PPIL3: variants seen among roughly 807,000 people sequenced by gnomAD.
PPIL3 encodes peptidyl-prolyl cis-trans isomerase-like 3.
Under a neutral mutation model 20.9 loss-of-function variants are expected in PPIL3, and 13 were observed. That is an observed-to-expected ratio of 0.62 (90% confidence interval 0.40 to 0.99). The LOEUF is 0.99. Among genes scored for constraint, PPIL3 ranks in the 50% least tolerant of loss-of-function variants. The pLI is 0.00. For synonymous variants in PPIL3, 71 were observed against 64.4 expected, an observed-to-expected ratio of 1.10 and a Z score of -0.49; for missense variants, 170 against 195.2, an observed-to-expected ratio of 0.87 and a Z score of 0.77.
At chr2:200,878,132 TAATATTTAATACATACAC>T (rs985892915) in intron 5 of PPIL3, among the ~76,000 whole-genome samples, 10 of 152,228 alleles carry the variant, frequency 6.6e-5, no homozygotes, top group Admixed American at 4.6e-4. Context: ...AATACACATG[TAATATTTAATACATACAC>T]AATATTTAAT....
chr2:200,871,582 C>A, intron 6 of PPIL3, 61 bp from the exon 7 acceptor site: 1 of 1,426,486 alleles, frequency 7.0e-7, no homozygotes, highest in Non-Finnish European at 9.6e-7. Context: ...ATATCCATAT[C>A]TATGACAATT....
At chr2:200,871,625 G>C (rs2039308841) in intron 6 of PPIL3, 104 bp from the exon 7 acceptor site, 3 of 981,396 alleles carry the variant, frequency 3.1e-6, no homozygotes, top group Admixed American at 2.9e-5. Context: ...AAGTCTTACA[G>C]ATCTCTGAGT....
chr2:200,881,539 C>G, intron 4 of PPIL3, 51 bp from the exon 5 acceptor site: 1 of 1,502,632 alleles, frequency 6.7e-7, no homozygotes, highest in Non-Finnish European at 9.2e-7. Context: ...AAATTGAAAA[C>G]AAGTTCATTT....
chr2:200,882,197 C>G (rs931899348), intron 4 of PPIL3, 145 bp downstream of exon 4: 6 of 628,170 alleles, frequency 9.6e-6, no homozygotes, highest in Non-Finnish European at 1.7e-5. Context: ...ATGTAACAAA[C>G]CTGCATGTTC....
In PPIL3 at chr2:200,873,931, C is replaced by T. The variant is rs900658425; in HGVS notation, c.360-2410G>A. 7.3e-5 allele frequency among the ~76,000 whole-genome samples: 11 copies of T among 151,550 alleles called. No homozygotes were observed. In the East Asian group the frequency reaches 1.4e-3, roughly 19 times the overall value. On this transcript the variant is annotated intron_variant, in intron 6 of 6. Coordinates refer to ENST00000392283, the MANE Select transcript of PPIL3 (RefSeq NM_130906.3). ...AAAATTAACAGATTTGTAGGCCTGG[C>T]GCAGTGGCTCACGCCTGTAATCTCA...
At position 200,887,618 on chromosome 2, in the gene PPIL3, T is replaced by C; in HGVS notation, c.-3A>G. The C allele has an allele frequency of 6.2e-7, 1 of 1,604,764 alleles. No individual in the cohort carries two copies. Among genetic ancestry groups the C allele is most frequent in the Non-Finnish European group, 8.5e-7 (1 of 1,174,678 alleles). Reference sequence around the variant, plus strand: ...AAAAATTGCTCAAAACTTACCATTTTTCCTCTTAGTGGTTTCAGGAAGGAC... The same window carrying C: ...AAAAATTGCTCAAAACTTACCATTTCTCCTCTTAGTGGTTTCAGGAAGGAC... On this transcript the variant is annotated 5_prime_UTR_variant, in exon 2 of 7. Coordinates refer to ENST00000392283, the MANE Select transcript of PPIL3 (RefSeq NM_130906.3).
intron 5 of PPIL3, among the ~76,000 whole-genome samples, chr2:200,880,562 T>G (rs1237312590): frequency 6.6e-6 from 1 of 152,024 alleles, no homozygotes; most frequent in African/African-American, 2.4e-5. Context: ...ATTTGTATTT[T>G]TTTGTGGAGA....
chr2:200,876,229 G>C (rs1192581092), intron 6 of PPIL3, among the ~76,000 whole-genome samples: 1 of 150,798 alleles, frequency 6.6e-6, no homozygotes, highest in South Asian at 2.1e-4. Context: ...AAGATCACTT[G>C]AGACCAGGAG....
chr2:200,874,992 T>C (rs774168643), intron 6 of PPIL3, among the ~76,000 whole-genome samples: 1 of 152,210 alleles, frequency 6.6e-6, no homozygotes, highest in Non-Finnish European at 1.5e-5. Flanking sequence ...AACTATTAAA[T>C]AGAACAAACT....
intron 1 of PPIL3, 87 bp from the exon 2 acceptor site, chr2:200,887,772 C>T (rs907989126): frequency 1.9e-6 from 1 of 521,764 alleles, no homozygotes. Flanking sequence ...TAAATAAAAA[C>T]CTCGCCGGGC....
At chr2:200,887,538 T>TGAA in intron 2 of PPIL3, 75 bp downstream of exon 2, 2 of 1,178,296 alleles carry the variant, frequency 1.7e-6, no homozygotes, top group Non-Finnish European at 2.5e-6. Flanking sequence ...TTCCATGAAC[T>TGAA]TTTATTGCCC....
Position 200,887,632 on chromosome 2 carries a change from T to G in PPIL3, c.-17A>C. On this transcript the variant is annotated 5_prime_UTR_variant, in exon 2 of 7. Transcript: ENST00000392283. ...ACTTACCATTTTTCCTCTTAGTGGT[T>G]TCAGGAAGGACTACGTGATTTCTCA... 6.2e-7 allele frequency: 1 copy of G among 1,600,712 alleles called. No individual in the cohort carries two copies. Among genetic ancestry groups the G allele is most frequent in the Non-Finnish European group, 8.5e-7 (1 of 1,172,478 alleles).
rs1007221507 is a variant in PPIL3, at chr2:200,882,430, G to A, written c.84C>T (p.Phe28=). The A allele has an allele frequency of 6.3e-7, 1 of 1,581,968 alleles. No individual in the cohort carries two copies. Among genetic ancestry groups the A allele is most frequent in the African/African-American group, 1.3e-5 (1 of 74,182 alleles). The change falls in exon 4 of 7, where the codon TTC becomes TTT. Residue 28 remains phenylalanine (F), a synonymous_variant. Coordinates refer to ENST00000392283, the MANE Select transcript of PPIL3 (RefSeq NM_130906.3). ...CERTPKTCEN[F]LALCASNYYN... ...AGTAATTACTGGCACAAAGAGCCAA[G>A]AAATTCTGAAGGGAGTAAAAATGAT...
intron 6 of PPIL3, among the ~76,000 whole-genome samples, chr2:200,872,134 C>T (rs1251867567): frequency 6.6e-6 from 1 of 152,096 alleles, no homozygotes; most frequent in African/African-American, 2.4e-5. Flanking sequence ...TCTGACTAAC[C>T]ATGATATAAT....
intron 6 of PPIL3, 148 bp from the exon 7 acceptor site, chr2:200,871,669 T>C: frequency 1.4e-6 from 1 of 697,432 alleles, no homozygotes; most frequent in Non-Finnish European, 2.3e-6. Flanking sequence ...ATGTTGATTT[T>C]CCATCATAGA....
In PPIL3 at chr2:200,871,538, A is replaced by G. The variant is rs771653852; in HGVS notation, c.360-17T>C. ...TCTATTACCCTGAAAGAGAAACAAC[A>G]TAACATATGAAAATTTCCTTAAATT... On this transcript the variant is annotated splice_polypyrimidine_tract_variant and intron_variant, in intron 6 of 6. Coordinates refer to ENST00000392283, the MANE Select transcript of PPIL3 (RefSeq NM_130906.3). The G allele has an allele frequency of 6.2e-7, 1 of 1,600,422 alleles. No homozygotes were observed.
chr2:200,881,766 C>T, intron 4 of PPIL3: 1 of 419,552 alleles, frequency 2.4e-6, no homozygotes, highest in East Asian at 4.5e-5. Flanking sequence ...GCAGGGGCCA[C>T]ACTAATCTTC....
chr2:200,871,564 G>A lies in PPIL3; in HGVS notation c.360-43C>T, dbSNP rs201382755. 1,040 of 1,543,086 alleles carry A rather than the reference G, an allele frequency of 6.7e-4. 5 individuals are homozygous for A. The Middle Eastern group carries it at 6.8e-3, about 10-fold the overall frequency. The stretch of plus-strand genomic sequence containing the variant: ...TAACATATGAAAATTTCCTTAAATT[G>A]AAACATGATATCCATATCTATGACA... On this transcript the variant is annotated intron_variant, in intron 6 of 6. Coordinates refer to ENST00000392283, the MANE Select transcript of PPIL3 (RefSeq NM_130906.3).
chr2:200,884,111 C>G (rs1348890805), intron 3 of PPIL3, among the ~76,000 whole-genome samples: 1 of 150,676 alleles, frequency 6.6e-6, no homozygotes, highest in East Asian at 1.9e-4. Flanking sequence ...CCATCCTTGT[C>G]ATTTAAACAG....
Sources: allele counts gnomAD v4.1 joint callset (sites outside exome capture counted in the v4.1 genomes callset), GRCh38; gene constraint gnomAD v4.1.1; transcripts MANE v1.5; gene names NCBI Gene and HGNC (gene_info 2026-07-23, HGNC 2026-07-21).